FANCD2OS: variants seen among roughly 807,000 people sequenced by gnomAD.
The protein encoded by FANCD2OS is FANCD2 opposite strand protein.
A neutral mutation model predicts 13.2 loss-of-function variants in FANCD2OS; 11 were observed. That is an observed-to-expected ratio of 0.83 (90% confidence interval 0.52 to 1.38). The LOEUF is 1.38. Ranked by LOEUF, FANCD2OS falls within the 40% of genes most tolerant of loss-of-function variation. FANCD2OS has a pLI of 0.00. For synonymous variants in FANCD2OS, 69 were observed against 84.5 expected, an observed-to-expected ratio of 0.82 and a Z score of 1.01; for missense variants, 217 against 213.9, an observed-to-expected ratio of 1.01 and a Z score of -0.09.
intron 2 of FANCD2OS, among the ~76,000 whole-genome samples, chr3:10,083,187 A>C (rs57434752): frequency 0.031 from 4,696 of 152,222 alleles, 243 homozygotes; most frequent in African/African-American, 0.11. Flanking sequence ...AGATTGCAAC[A>C]CTGCACTCCA....
At chr3:10,081,654 C>A in intron 2 of FANCD2OS, 1 of 633,396 alleles carries the variant, frequency 1.6e-6, no homozygotes, top group South Asian at 1.7e-5. Flanking sequence ...TCCTTTGGAG[C>A]CACTATGTTA....
At chr3:10,101,370 T>C (rs561719635), downstream of FANCD2OS, 88 of 751,924 alleles carry the variant, frequency 1.2e-4, no homozygotes, top group East Asian at 2.2e-3. Context: ...GATCCTTTTT[T>C]GTTCCTCTTT....
At chr3:10,090,332 C>G in intron 2 of FANCD2OS, 3 of 1,611,356 alleles carry the variant, frequency 1.9e-6, no homozygotes, top group Non-Finnish European at 2.5e-6. Context: ...GATGGCTGAA[C>G]TAGAGAAGAC....
At chr3:10,090,184 G>A in intron 2 of FANCD2OS, 1 of 755,034 alleles carries the variant, frequency 1.3e-6, no homozygotes, top group Non-Finnish European at 2.3e-6. Context: ...CTAGTGAAAG[G>A]ACATTTAGAG....
rs751148561 is a variant in FANCD2OS, at chr3:10,104,652, G to T, written c.123C>A (p.His41Gln). 1 of 1,614,210 alleles carries T rather than the reference G, an allele frequency of 6.2e-7. No individual in the cohort carries two copies. Among genetic ancestry groups the T allele is most frequent in the Non-Finnish European group, 8.5e-7 (1 of 1,180,050 alleles). Reference protein sequence around the residue: ...HPFKASPCFPHTPSDLEVQLC... With the variant: ...HPFKASPCFPQTPSDLEVQLC... ...GCTGCACTTCAAGGTCGGACGGTGT[G>T]TGTGGGAAGCAGGGGGAGGCCTTGA... The change falls in exon 2 of 2, where the codon CAC (histidine) becomes CAA (glutamine). Residue 41 changes from histidine to glutamine, a missense_variant. By Grantham distance (24) the His-to-Gln change is conservative. Transcript: ENST00000450660.
intron 2 of FANCD2OS, among the ~76,000 whole-genome samples, chr3:10,095,702 T>G (rs1441820146): frequency 6.6e-6 from 1 of 152,166 alleles, no homozygotes; most frequent in Non-Finnish European, 1.5e-5. Flanking sequence ...ATCTTAGCAT[T>G]AAAGGATTTT....
At chr3:10,101,010 A>G (rs887476693), downstream of FANCD2OS, among the ~76,000 whole-genome samples, 9 of 152,174 alleles carry the variant, frequency 5.9e-5, no homozygotes, top group Admixed American at 3.9e-4. Context: ...CAGAGGTTGC[A>G]GTGAGCTGAG....
chr3:10,098,532 G>A (rs34930341), downstream of FANCD2OS, among the ~76,000 whole-genome samples: 36 of 152,266 alleles, frequency 2.4e-4, no homozygotes, highest in African/African-American at 8.2e-4. Flanking sequence ...CAGGGCCACA[G>A]ACATCTCAGA....
At chr3:10,105,233 T>C (rs143658140) in intron 1 of FANCD2OS, among the ~76,000 whole-genome samples, 2 of 152,320 alleles carry the variant, frequency 1.3e-5, no homozygotes, top group Non-Finnish European at 2.9e-5. Context: ...ACTAAAACTT[T>C]ATATTAAACT....
intron 2 of FANCD2OS, chr3:10,083,803 G>C (rs1215768810): frequency 8.8e-5 from 13 of 148,210 alleles, no homozygotes; most frequent in African/African-American, 3.3e-4. Context: ...CAGGAGAATG[G>C]CCTTAACCCG....
intron 2 of FANCD2OS, chr3:10,095,052 C>T: frequency 2.9e-6 from 2 of 700,580 alleles, no homozygotes; most frequent in Non-Finnish European, 5.2e-6. Flanking sequence ...GCTATTCCTC[C>T]TATTTGAGAG....
chr3:10,104,224 G>T lies in FANCD2OS; in HGVS notation c.*17C>A. On this transcript the variant is annotated 3_prime_UTR_variant, in exon 2 of 2. Transcript: ENST00000450660. Reference sequence around the variant, plus strand: ...AAAGGGCATGGTGTGAGTAAATGGGGATCAAATGAGGACCCTTTACTTGGA... The same window carrying T: ...AAAGGGCATGGTGTGAGTAAATGGGTATCAAATGAGGACCCTTTACTTGGA... 3.2e-6 allele frequency: 5 copies of T among 1,581,418 alleles called. No individual in the cohort carries two copies. The highest frequency in any genetic ancestry group is 4.3e-6 in the Non-Finnish European group (5 of 1,163,556).
downstream of FANCD2OS, chr3:10,101,399 TTTTA>T: frequency 4.5e-6 from 3 of 666,000 alleles, no homozygotes; most frequent in Admixed American, 2.8e-5. Context: ...TTTTTTTTTT[TTTTA>T]AAGACGGGGA....
chr3:10,092,138 T>C (rs1169854210), intron 2 of FANCD2OS: 1 of 1,284,528 alleles, frequency 7.8e-7, no homozygotes, highest in East Asian at 2.3e-5. Context: ...AAGGGAAGTA[T>C]TTGGCTGTGA....
chr3:10,089,002 G>A (rs767897539), intron 2 of FANCD2OS: 2 of 1,604,446 alleles, frequency 1.2e-6, no homozygotes, highest in Non-Finnish European at 8.5e-7. Flanking sequence ...TCATCATCAG[G>A]CTGGGCACGG....
intron 1 of FANCD2OS, among the ~76,000 whole-genome samples, chr3:10,106,276 AG>A (rs1695492961): frequency 6.6e-6 from 1 of 152,212 alleles, no homozygotes. Context: ...TGGTTCCATA[AG>A]ACCTTAATTT....
chr3:10,082,385 T>C (rs1259532275), intron 2 of FANCD2OS, among the ~76,000 whole-genome samples: 1 of 152,186 alleles, frequency 6.6e-6, no homozygotes, highest in African/African-American at 2.4e-5. Context: ...TTGGCCTCTC[T>C]CAGTCCATTC....
chr3:10,083,594 G>C (rs1437126712), intron 2 of FANCD2OS: 1 of 152,090 alleles, frequency 6.6e-6, no homozygotes, highest in Admixed American at 6.6e-5. Flanking sequence ...GGAAATGAAA[G>C]CATACGTCCA....
chr3:10,097,655 G>A (rs1027162466), intron 2 of FANCD2OS, among the ~76,000 whole-genome samples: 1 of 152,106 alleles, frequency 6.6e-6, no homozygotes, highest in Non-Finnish European at 1.5e-5. Flanking sequence ...TGTACAATTT[G>A]TGTAGTTAAC....
Sources: gnomAD v4.1 joint callset for allele counts (sites outside exome capture counted in the v4.1 genomes callset) on GRCh38, gnomAD v4.1.1 for gene constraint, MANE v1.5 for transcripts, NCBI Gene and HGNC (gene_info 2026-07-23, HGNC 2026-07-21) for gene names.